The following CCDC178 variants were observed in gnomAD, a reference collection of about 807,000 sequenced individuals.
The protein encoded by CCDC178 is coiled-coil domain containing 178.
CCDC178 carries 126 observed loss-of-function variants against 117.4 expected under a neutral mutation model. The observed-to-expected ratio is 1.07, with a 90% CI of 0.93 to 1.24. The LOEUF (loss-of-function observed/expected upper bound fraction) is 1.24. CCDC178 is among the 50% of genes most tolerant of loss of function. The pLI is 0.00. For missense variants in CCDC178, 1,030 were observed against 986.9 expected (o/e 1.04, Z -0.59); for synonymous variants, 283 against 313.4 (o/e 0.90, Z 1.02).
chr18:33,322,596 T>A (rs1025943790), intron 11 of CCDC178, among the ~76,000 whole-genome samples: 1 of 151,730 alleles, frequency 6.6e-6, no homozygotes, highest in Non-Finnish European at 1.5e-5. Flanking sequence ...ATAGAAATTT[T>A]AAAAATACAT....
chr18:33,205,937 G>A (rs751318779), intron 20 of CCDC178, among the ~76,000 whole-genome samples: 1 of 152,110 alleles, frequency 6.6e-6, no homozygotes, highest in Non-Finnish European at 1.5e-5. Flanking sequence ...CAAGTGATCT[G>A]CCCACTTTGG....
chr18:33,125,444 T>C (rs532157799), intron 20 of CCDC178, among the ~76,000 whole-genome samples: 5 of 152,174 alleles, frequency 3.3e-5, no homozygotes, highest in Non-Finnish European at 7.4e-5. Flanking sequence ...ATGTTGATGA[T>C]AATCTTAAAA....
intron 11 of CCDC178, among the ~76,000 whole-genome samples, chr18:33,318,611 G>GA (rs912920796): frequency 1.3e-5 from 2 of 152,122 alleles, no homozygotes; most frequent in African/African-American, 2.4e-5. Flanking sequence ...GAAATTGTTT[G>GA]AAAAGATTAT....
chr18:33,129,183 A>T (rs2058042626), intron 20 of CCDC178, among the ~76,000 whole-genome samples: 1 of 152,162 alleles, frequency 6.6e-6, no homozygotes, highest in African/African-American at 2.4e-5. Context: ...GTTAATGAAC[A>T]GGGTCCTTAA....
At chr18:33,326,471 T>A (rs560052381) in intron 10 of CCDC178, among the ~76,000 whole-genome samples, 1 of 152,124 alleles carries the variant, frequency 6.6e-6, no homozygotes, top group African/African-American at 2.4e-5. Context: ...GTAAAATATG[T>A]GCCTTGGCTA....
rs1179335373 is a variant in CCDC178 at position 33,322,214 on chromosome 18, T to TA, written c.1022+1276dup. On this transcript the variant is annotated intron_variant, in intron 11 of 22. Transcript: ENST00000383096. Reference sequence around the variant, plus strand: ...CTTCCTCATTACTTGACAGAAAAATTAAAAAAAAATTAATAAATGGAGCAA... The same window carrying TA: ...CTTCCTCATTACTTGACAGAAAAATTAAAAAAAAAATTAATAAATGGAGCAA... Among the ~76,000 whole-genome samples, 20 of 151,430 alleles carry TA rather than the reference T, an allele frequency of 1.3e-4. No individual in the cohort carries two copies. In the East Asian group the frequency reaches 3.7e-3, roughly 28 times the overall value.
chr18:33,373,957 G>A (rs1476443340), intron 5 of CCDC178, among the ~76,000 whole-genome samples: 1 of 152,066 alleles, frequency 6.6e-6, no homozygotes. Flanking sequence ...TGAGACAACT[G>A]ATTTTGGACT....
At chr18:33,209,960 A>T (rs539998053) in intron 20 of CCDC178, among the ~76,000 whole-genome samples, 4 of 152,160 alleles carry the variant, frequency 2.6e-5, no homozygotes, top group South Asian at 4.1e-4. Context: ...AGACAGAGAG[A>T]GATTGATTCA....
chr18:33,433,790 T>TTGTGTGTGTG lies in CCDC178; in HGVS notation c.-23+6162_-23+6171dup, dbSNP rs5823897. Among the ~76,000 whole-genome samples, 1,275 of 149,386 alleles carry TTGTGTGTGTG rather than the reference T, an allele frequency of 8.5e-3. 16 individuals are homozygous for TTGTGTGTGTG. The highest frequency in any genetic ancestry group is 0.03 in the African/African-American group (1,217 of 40,724). ...CTGACCAATAATTCAATAGCAGAAT[T>TTGTGTGTGTG]TGTGTGTGTGTGTGTGTGTGTGGAA... On this transcript the variant is annotated intron_variant, in intron 2 of 22. Transcript: ENST00000383096.
At chr18:33,199,144 G>T (rs2058965242) in intron 20 of CCDC178, among the ~76,000 whole-genome samples, 2 of 149,850 alleles carry the variant, frequency 1.3e-5, no homozygotes, top group South Asian at 2.1e-4. Context: ...ATTAAACCTG[G>T]GTCTGAATTA....
intron 20 of CCDC178, among the ~76,000 whole-genome samples, chr18:33,122,467 A>G (rs1598905840): frequency 1.3e-5 from 2 of 152,144 alleles, no homozygotes; most frequent in Non-Finnish European, 2.9e-5. Context: ...TAGCCTTCAT[A>G]GCAGGCATAA....
At chr18:33,328,116 T>TGAGACAGAGTC in intron 10 of CCDC178, 2 of 304,820 alleles carry the variant, frequency 6.6e-6, no homozygotes, top group Non-Finnish European at 1.2e-5. Flanking sequence ...TTTTTTTTTT[T>TGAGACAGAGTC]TTTTGAGACA....
At chr18:33,294,384 G>T (rs1288381650) in intron 11 of CCDC178, among the ~76,000 whole-genome samples, 1 of 152,076 alleles carries the variant, frequency 6.6e-6, no homozygotes. Flanking sequence ...ACCCACATAA[G>T]AGTAAAACGT....
chr18:33,416,302 C>A (rs1351283402), intron 2 of CCDC178, among the ~76,000 whole-genome samples: 2 of 152,112 alleles, frequency 1.3e-5, no homozygotes, highest in Non-Finnish European at 2.9e-5. Context: ...TGGCGGGCGC[C>A]TATAGTCCCA....
At chr18:33,182,718 G>T (rs2058745404) in intron 20 of CCDC178, among the ~76,000 whole-genome samples, 2 of 151,880 alleles carry the variant, frequency 1.3e-5, no homozygotes, top group Admixed American at 1.3e-4. Context: ...ATACATTACT[G>T]AGATATATAA....
intron 21 of CCDC178, among the ~76,000 whole-genome samples, chr18:33,006,634 G>A (rs1015315145): frequency 3.9e-5 from 6 of 152,082 alleles, no homozygotes; most frequent in Admixed American, 2.0e-4. Context: ...AGAATCTCTG[G>A]CTTGCTTCTA....
chr18:33,399,228 T>G (rs921473021), intron 3 of CCDC178, among the ~76,000 whole-genome samples: 3 of 151,544 alleles, frequency 2.0e-5, no homozygotes, highest in Non-Finnish European at 4.4e-5. Context: ...AATGGTCATG[T>G]GAGCCTTCAG....
intron 2 of CCDC178, among the ~76,000 whole-genome samples, chr18:33,422,038 C>T (rs950420172): frequency 3.9e-5 from 6 of 152,192 alleles, no homozygotes; most frequent in Non-Finnish European, 4.4e-5. Flanking sequence ...TCCTCACATG[C>T]TTTTGCTTTG....
At chr18:33,177,088 A>G (rs1266002201) in intron 20 of CCDC178, among the ~76,000 whole-genome samples, 1 of 152,174 alleles carries the variant, frequency 6.6e-6, no homozygotes, top group Non-Finnish European at 1.5e-5. Flanking sequence ...CATCATTCTC[A>G]GCAAACCAAC....
Sources: gnomAD v4.1 joint callset for allele counts (sites outside exome capture counted in the v4.1 genomes callset) on GRCh38, gnomAD v4.1.1 for gene constraint, MANE v1.5 for transcripts, NCBI Gene and HGNC (gene_info 2026-07-23, HGNC 2026-07-21) for gene names.